Variants in DPP3 observed in about 807,000 individuals in gnomAD.
The protein encoded by DPP3 is dipeptidyl peptidase 3, also known as DPP III.
In DPP3, 64 loss-of-function variants were observed where a neutral mutation model predicts 89.8. That is an observed-to-expected ratio of 0.71 (90% CI 0.58 to 0.88). The LOEUF (loss-of-function observed/expected upper bound fraction) is 0.88. DPP3 is among the 40% of genes least tolerant of loss of function. The probability of loss-of-function intolerance (pLI) is 0.00; values close to 1 mark genes in which losing one functional copy is unlikely to be tolerated. For missense variants in DPP3, 835 were observed against 972.5 expected, an observed-to-expected ratio of 0.86 and a Z score of 1.88; for synonymous variants, 377 against 404.3, an observed-to-expected ratio of 0.93 and a Z score of 0.81.
At chr11:66,493,300 TC>T in intron 11 of DPP3, 121 bp downstream of exon 11, 2 of 923,656 alleles carry the variant, frequency 2.2e-6, no homozygotes, top group South Asian at 3.3e-5. Flanking sequence ...CTCTGCCACT[TC>T]CCAACCATGT....
intron 16 of DPP3, among the ~76,000 whole-genome samples, chr11:66,499,128 C>T (rs1001081719): frequency 2.0e-5 from 3 of 152,058 alleles, no homozygotes; most frequent in Non-Finnish European, 4.4e-5. Flanking sequence ...TCTGGGAGGC[C>T]GAGGCGGGTG....
rs151083592 is a variant in DPP3 at position 66,487,327 on chromosome 11, C to T, written c.558C>T (p.Asp186=). Residue 186 remains aspartate (D), a synonymous_variant, in exon 5 of 18, where the codon GAC becomes GAT. Transcript: ENST00000531863. ...CTMEDAKLAQ[D]FLDSQNLSAY... is the part of the protein sequence containing the mutation. ...TGGAAGATGCCAAATTGGCCCAGGA[C>T]TTTCTGGACTCACAGGTTTGGGGTT... 101 of 1,614,010 alleles carry T rather than the reference C, an allele frequency of 6.3e-5. No homozygotes were observed. The East Asian group carries it at 2.2e-3, about 35-fold the overall frequency.
At position 66,488,365 on chromosome 11, in the gene DPP3, C is replaced by T. The variant is rs907259002; in HGVS notation, c.667+358C>T. Among the ~76,000 whole-genome samples, 12 of 152,158 alleles carry T rather than the reference C, an allele frequency of 7.9e-5. 1 individual carries two copies. Among genetic ancestry groups the T allele is most frequent in the Non-Finnish European group, 1.5e-5 (1 of 68,040 alleles). On this transcript the variant is annotated intron_variant, in intron 6 of 17. Coordinates refer to ENST00000531863, the MANE Select transcript of DPP3 (RefSeq NM_130443.4). Reference sequence around the variant, plus strand: ...TCACCTAAGGTCAGGAGTTCGAGACCAGCCTGGCCAACATGGTGAAACCCC... The same window carrying T: ...TCACCTAAGGTCAGGAGTTCGAGACTAGCCTGGCCAACATGGTGAAACCCC...
chr11:66,480,683 G>A, intron 1 of DPP3: 1 of 465,590 alleles, frequency 2.1e-6, no homozygotes, highest in Non-Finnish European at 3.6e-6. Context: ...GCTTCTGGAG[G>A]CCGGGGCAGG....
rs779129524 is a variant in DPP3, at chr11:66,497,391, C to T, written c.1792C>T (p.Arg598Cys). 1.9e-5 allele frequency: 30 copies of T among 1,613,842 alleles called. No individual in the cohort carries two copies. Among genetic ancestry groups the T allele is most frequent in the South Asian group, 6.6e-5 (6 of 91,084 alleles). The change falls in exon 16 of 18, where the codon CGC (arginine) becomes TGC (cysteine). Residue 598 changes from arginine (R) to cysteine (C), a missense_variant. Arg to Cys is a radical substitution (Grantham distance 180). Transcript: ENST00000531863. ...TITPTTGSDGRPDARVRLDRS... is the reference protein window; with the variant it reads ...TITPTTGSDGCPDARVRLDRS... ...CACTCCCACCACAGGCTCCGATGGG[C>T]GCCCAGATGCCCGGGTCCGCCTCGA... is the stretch of plus-strand genomic sequence containing the variant.
rs1414433271 is a variant in DPP3 at position 66,502,789 on chromosome 11, C to T, written c.1879-1823C>T. ...AAATTTTTTGTATTTTTAGTAGAAA[C>T]GGGGTTTCACAGTGCTAGCCAGGAT... is the stretch of plus-strand genomic sequence containing the variant. On this transcript the variant is annotated intron_variant, in intron 16 of 17. Coordinates refer to ENST00000531863, the MANE Select transcript of DPP3 (RefSeq NM_130443.4). 9.2e-5 allele frequency among the ~76,000 whole-genome samples: 14 copies of T among 151,434 alleles called. No individual in the cohort carries two copies. In the South Asian group the frequency reaches 2.7e-3, roughly 29 times the overall value.
chr11:66,481,836 G>C (rs952140240), intron 1 of DPP3, among the ~76,000 whole-genome samples: 1 of 152,034 alleles, frequency 6.6e-6, no homozygotes, highest in Non-Finnish European at 1.5e-5. Context: ...TTAGTAGAAA[G>C]GAGGTTTCAC....
At chr11:66,500,190 C>T (rs1367477249) in intron 16 of DPP3, among the ~76,000 whole-genome samples, 2 of 151,916 alleles carry the variant, frequency 1.3e-5, no homozygotes, top group South Asian at 2.1e-4. Flanking sequence ...CTGTCTCTAC[C>T]AAAAACATAA....
At chr11:66,493,843 C>T (rs1218708214) in intron 12 of DPP3, among the ~76,000 whole-genome samples, 1 of 152,078 alleles carries the variant, frequency 6.6e-6, no homozygotes, top group Non-Finnish European at 1.5e-5. Flanking sequence ...CCTGGGTGTA[C>T]ATCTGGGGCT....
chr11:66,495,685 A>G lies in DPP3; in HGVS notation c.1633A>G (p.Asn545Asp), dbSNP rs770244797. The part of the protein sequence containing the change: ...AEDVIYVNWL[N>D]MVRAGLLALE... ...GGACGTGATCTACGTGAACTGGCTC[A>G]ACATGGTTCGGGCCGGGCTGCTCGC... The change falls in exon 15 of 18, where the codon AAC becomes GAC. Residue 545 changes from asparagine to aspartate, a missense_variant. Coordinates refer to ENST00000531863, the MANE Select transcript of DPP3 (RefSeq NM_130443.4). 1 of 1,614,064 alleles carries G rather than the reference A, an allele frequency of 6.2e-7. No homozygotes were observed. Among genetic ancestry groups the G allele is most frequent in the Admixed American group, 1.7e-5 (1 of 60,020 alleles).
In DPP3 at chr11:66,509,133, C is replaced by A; in HGVS notation, c.2096C>A (p.Ser699Tyr). 2 of 1,614,210 alleles carry A rather than the reference C, an allele frequency of 1.2e-6. No homozygotes were observed. The highest frequency in any genetic ancestry group is 1.7e-6 in the Non-Finnish European group (2 of 1,180,042). Reference protein sequence around the residue: ...YEASAAGLIRSFSERFPEDGP... With the variant: ...YEASAAGLIRYFSERFPEDGP... ...GCGTCAGCTGCTGGCCTCATCCGAT[C>A]CTTCTCTGAGCGTTTCCCAGAGGAT... Residue 699 changes from serine (S) to tyrosine (Y), a missense_variant, in exon 18 of 18, where the codon TCC (serine) becomes TAC (tyrosine). Ser to Tyr is a moderately radical substitution (Grantham distance 144). Transcript: ENST00000531863.
chr11:66,506,103 C>G (rs909774992), intron 17 of DPP3, among the ~76,000 whole-genome samples: 1 of 152,092 alleles, frequency 6.6e-6, no homozygotes, highest in Non-Finnish European at 1.5e-5. Flanking sequence ...CGCCCGCCAC[C>G]ACACCCAGCT....
chr11:66,495,322 G>A, intron 13 of DPP3, 43 bp from the exon 14 acceptor site: 2 of 1,613,870 alleles, frequency 1.2e-6, no homozygotes, highest in Non-Finnish European at 1.7e-6. Flanking sequence ...GCACAGGTGG[G>A]GCAGTGGCCA....
At position 66,504,783 on chromosome 11, in the gene DPP3, G is replaced by A. The variant is rs1182774602; in HGVS notation, c.2041+9G>A. The A allele has an allele frequency of 7.5e-6, 12 of 1,605,940 alleles. No homozygotes were observed. In the African/African-American group the frequency reaches 1.5e-4, roughly 20 times the overall value. ...CAACACTCGCCTTGAAGGTAATGAG[G>A]TAATGAGGGAGCTCTTGAGCTCCCT... is the stretch of plus-strand genomic sequence containing the variant. On this transcript the variant is annotated intron_variant, in intron 17 of 17. Coordinates refer to ENST00000531863, the MANE Select transcript of DPP3 (RefSeq NM_130443.4).
At chr11:66,504,803 C>T in intron 17 of DPP3, 29 bp downstream of exon 17, 2 of 1,594,684 alleles carry the variant, frequency 1.3e-6, no homozygotes, top group Non-Finnish European at 1.7e-6. Flanking sequence ...AGCTCTTGAG[C>T]TCCCTTGATG....
At chr11:66,491,674 C>T (rs779083073) in intron 8 of DPP3, 24 bp from the exon 9 acceptor site, 31 of 1,611,262 alleles carry the variant, frequency 1.9e-5, no homozygotes, top group Non-Finnish European at 2.6e-5. Flanking sequence ...GCCCCTCCTC[C>T]ACCTCTGCCC....
At chr11:66,500,657 A>G (rs1301942724) in intron 16 of DPP3, among the ~76,000 whole-genome samples, 1 of 152,244 alleles carries the variant, frequency 6.6e-6, no homozygotes, top group Admixed American at 6.5e-5. Context: ...CAGCAGCGTC[A>G]TCTCTTAAAG....
chr11:66,506,063 C>T (rs1404692521), intron 17 of DPP3, among the ~76,000 whole-genome samples: 2 of 152,048 alleles, frequency 1.3e-5, no homozygotes, highest in Admixed American at 6.6e-5. Flanking sequence ...ATTCTCCTGC[C>T]CCAGTCTCCC....
chr11:66,484,522 C>G (rs776152020), intron 2 of DPP3, among the ~76,000 whole-genome samples: 1 of 152,078 alleles, frequency 6.6e-6, no homozygotes, highest in Non-Finnish European at 1.5e-5. Context: ...TACAGAGGCT[C>G]TTTGCCAATG....
Sources: gnomAD v4.1 joint callset for allele counts (sites outside exome capture counted in the v4.1 genomes callset) on GRCh38, gnomAD v4.1.1 for gene constraint, MANE v1.5 for transcripts, NCBI Gene and HGNC (gene_info 2026-07-23, HGNC 2026-07-21) for gene names.